The following ACYP2 variants were observed in gnomAD, a reference collection of about 807,000 sequenced individuals.
ACYP2 encodes the protein acylphosphatase-2.
Under a neutral mutation model 11.2 loss-of-function variants are expected in ACYP2, and 12 were observed. That is an observed-to-expected ratio of 1.08 (90% confidence interval 0.69 to 1.74). The LOEUF is 1.74. Among genes scored for constraint, ACYP2 ranks in the 40% most tolerant of loss-of-function variants. The pLI is 0.00. For missense variants in ACYP2, 134 were observed against 101.9 expected, an observed-to-expected ratio of 1.31 and a Z score of -1.35; for synonymous variants, 43 against 32.2, an observed-to-expected ratio of 1.33 and a Z score of -1.13.
intron 6 of ACYP2, among the ~76,000 whole-genome samples, chr2:54,238,352 A>C (rs138759491): frequency 6.6e-6 from 1 of 152,252 alleles, no homozygotes; most frequent in Non-Finnish European, 1.5e-5. Flanking sequence ...CATCCCCTGG[A>C]ATAGTGCCTG....
chr2:54,114,504 T>C (rs1325555076), intron 4 of ACYP2, among the ~76,000 whole-genome samples: 1 of 151,546 alleles, frequency 6.6e-6, no homozygotes, highest in Non-Finnish European at 1.5e-5. Context: ...GACAACATGG[T>C]GAAACCCCGT....
At chr2:54,197,935 A>ATTGTATTGTAT (rs201423348) in intron 6 of ACYP2, among the ~76,000 whole-genome samples, 2 of 130,898 alleles carry the variant, frequency 1.5e-5, no homozygotes. Context: ...TTATTTATGT[A>ATTGTATTGTAT]TGTATTATAT....
intron 1 of ACYP2, among the ~76,000 whole-genome samples, chr2:53,972,293 A>G (rs1320922693): frequency 1.5e-5 from 2 of 133,096 alleles, no homozygotes; most frequent in Non-Finnish European, 3.2e-5. Flanking sequence ...CTGGGCAACA[A>G]GAGCGAAACT....
chr2:54,191,240 G>T (rs1400113965), intron 6 of ACYP2, among the ~76,000 whole-genome samples: 1 of 151,988 alleles, frequency 6.6e-6, no homozygotes, highest in Non-Finnish European at 1.5e-5. Context: ...GCAGTTCAAG[G>T]CCCCATGTAA....
chr2:54,077,560 A>AG lies in ACYP2; in HGVS notation c.277+20202dup, dbSNP rs1169179532. On this transcript the variant is annotated intron_variant, in intron 4 of 6. Transcript: ENST00000607452. ...CAACAAGGGCAAGACAGCCAGTACA[A>AG]GGAAAGGGGACTTCTGAGAAGAGGA... 3.3e-5 allele frequency among the ~76,000 whole-genome samples: 5 copies of AG among 152,230 alleles called. 1 individual carries two copies. The highest frequency in any genetic ancestry group is 1.3e-4 in the Admixed American group (2 of 15,288).
chr2:54,001,307 CAT>C (rs1672785136), intron 2 of ACYP2, among the ~76,000 whole-genome samples: 2 of 152,082 alleles, frequency 1.3e-5, no homozygotes, highest in African/African-American at 2.4e-5. Flanking sequence ...GCTGCAGTCA[CAT>C]GTTTGGTGCC....
At position 54,172,255 on chromosome 2, in the gene ACYP2, A is replaced by G. The variant is rs542505075; in HGVS notation, c.404+33507A>G. Among the ~76,000 whole-genome samples, 8 of 152,294 alleles carry G rather than the reference A, an allele frequency of 5.3e-5. No homozygotes were observed. The South Asian group carries it at 1.7e-3, about 32-fold the overall frequency. ...AATTATATTCCTTCTAACCATGGTC[A>G]TTAAAAAAATATGTATATAAATATA... On this transcript the variant is annotated intron_variant, in intron 6 of 6. Coordinates refer to ENST00000607452, the MANE Select transcript of ACYP2 (RefSeq NM_001320586.2).
chr2:54,237,581 C>T (rs1480573886), intron 6 of ACYP2, among the ~76,000 whole-genome samples: 1 of 152,082 alleles, frequency 6.6e-6, no homozygotes, highest in East Asian at 1.9e-4. Flanking sequence ...AAGATAATTC[C>T]ATTTTATTCT....
At chr2:54,133,634 C>A (rs1057051911) in intron 4 of ACYP2, among the ~76,000 whole-genome samples, 14 of 152,140 alleles carry the variant, frequency 9.2e-5, no homozygotes, top group African/African-American at 3.1e-4. Context: ...ACCAAAGAAG[C>A]CTGTTCTAAT....
At chr2:54,230,161 C>T (rs186034425) in intron 6 of ACYP2, among the ~76,000 whole-genome samples, 7 of 152,296 alleles carry the variant, frequency 4.6e-5, no homozygotes, top group Admixed American at 3.9e-4. Flanking sequence ...AATCCACATT[C>T]TATAGAGAAT....
intron 4 of ACYP2, among the ~76,000 whole-genome samples, chr2:54,104,367 C>T (rs1179397215): frequency 6.6e-6 from 1 of 152,106 alleles, no homozygotes; most frequent in African/African-American, 2.4e-5. Context: ...CACTATGTAC[C>T]TTTGGTATTA....
intron 4 of ACYP2, among the ~76,000 whole-genome samples, chr2:54,122,110 T>A (rs1680192106): frequency 6.6e-6 from 1 of 152,264 alleles, no homozygotes; most frequent in African/African-American, 2.4e-5. Context: ...CATTAAGGGC[T>A]GCTTTGTAAG....
intron 6 of ACYP2, among the ~76,000 whole-genome samples, chr2:54,148,403 A>G (rs1315490012): frequency 5.3e-5 from 8 of 152,246 alleles, no homozygotes; most frequent in African/African-American, 1.9e-4. Flanking sequence ...GTGTAATTGC[A>G]TGGTGAAAAT....
chr2:54,303,728 A>G lies in ACYP2; in HGVS notation c.405-960A>G, dbSNP rs538627222. On this transcript the variant is annotated intron_variant, in intron 6 of 6. Coordinates refer to ENST00000607452, the MANE Select transcript of ACYP2 (RefSeq NM_001320586.2). ...GTTATATAAGATTGTCACATATCATACTGCATAGCTGTCTACAGCCCTAGC... is the reference window on the plus strand; with the variant it reads ...GTTATATAAGATTGTCACATATCATGCTGCATAGCTGTCTACAGCCCTAGC... Among the ~76,000 whole-genome samples the G allele has an allele frequency of 8.5e-5, 13 of 152,370 alleles. 1 individual carries two copies. The East Asian group carries it at 1.7e-3, about 20-fold the overall frequency.
intron 6 of ACYP2, among the ~76,000 whole-genome samples, chr2:54,151,584 ATAGTT>A (rs1414148918): frequency 2.0e-5 from 3 of 152,228 alleles, no homozygotes; most frequent in Middle Eastern, 3.2e-3. Flanking sequence ...TGGAAAAAGA[ATAGTT>A]TAGTCTAATT....
At chr2:54,092,096 C>G (rs554517071) in intron 4 of ACYP2, among the ~76,000 whole-genome samples, 1 of 151,876 alleles carries the variant, frequency 6.6e-6, no homozygotes, top group Non-Finnish European at 1.5e-5. Context: ...CAAAGATGAA[C>G]CAGGTTTCCA....
chr2:54,073,606 G>A (rs544850585), intron 4 of ACYP2, among the ~76,000 whole-genome samples: 1 of 152,272 alleles, frequency 6.6e-6, no homozygotes, highest in Admixed American at 6.5e-5. Flanking sequence ...GCAACTCATA[G>A]AAGGGGAGAA....
chr2:54,240,364 G>GAAGC (rs1686680558), intron 6 of ACYP2, among the ~76,000 whole-genome samples: 1 of 152,140 alleles, frequency 6.6e-6, no homozygotes, highest in Non-Finnish European at 1.5e-5. Flanking sequence ...CATATGTGGT[G>GAAGC]AAGCCTTCTT....
chr2:53,983,102 G>A (rs954482209), intron 2 of ACYP2, among the ~76,000 whole-genome samples: 2 of 152,152 alleles, frequency 1.3e-5, no homozygotes, highest in Non-Finnish European at 2.9e-5. Flanking sequence ...TTCTGGTTAT[G>A]TAGAACAGGG....
Sources: gnomAD v4.1 joint callset for allele counts (sites outside exome capture counted in the v4.1 genomes callset) on GRCh38, gnomAD v4.1.1 for gene constraint, MANE v1.5 for transcripts, NCBI Gene and HGNC (gene_info 2026-07-23, HGNC 2026-07-21) for gene names.